Variants in KCNMA1 observed in about 807,000 individuals in gnomAD.
KCNMA1 encodes the protein Calcium-activated potassium channel subunit alpha-1.
In KCNMA1, 29 loss-of-function variants were observed where a neutral mutation model predicts 140.0. The observed-to-expected ratio is 0.21, with a 90% CI of 0.15 to 0.28. The LOEUF is 0.28. Ranked by LOEUF, KCNMA1 falls within the 10% of genes least tolerant of loss-of-function variation. The pLI is 1.00. For synonymous variants in KCNMA1, 612 were observed against 611.9 expected (o/e 1.00, Z 0.00); for missense variants, 880 against 1,602.2 (o/e 0.55, Z 7.70).
At chr10:77,020,328 C>A (rs1295184940) in intron 16 of KCNMA1, 3 of 152,226 alleles carry the variant, frequency 2.0e-5, no homozygotes, top group East Asian at 3.9e-4. Context: ...CCAGGTGAAC[C>A]TTTGTTCACC....
At chr10:77,321,693 T>A (rs1398158470) in intron 2 of KCNMA1, among the ~76,000 whole-genome samples, 1 of 152,236 alleles carries the variant, frequency 6.6e-6, no homozygotes, top group Admixed American at 6.5e-5. Context: ...TGAGTCTATT[T>A]TTAATTCCTT....
At chr10:77,061,151 A>G (rs891928508) in intron 14 of KCNMA1, among the ~76,000 whole-genome samples, 1 of 152,192 alleles carries the variant, frequency 6.6e-6, no homozygotes, top group East Asian at 1.9e-4. Flanking sequence ...TGGTAACTCA[A>G]TGTTTAACCT....
At chr10:76,999,193 G>A (rs1219720139) in intron 19 of KCNMA1, among the ~76,000 whole-genome samples, 1 of 152,238 alleles carries the variant, frequency 6.6e-6, no homozygotes, top group African/African-American at 2.4e-5. Context: ...AAATTGCACA[G>A]CTGAGAAATC....
chr10:77,545,225 G>A (rs971430812), intron 1 of KCNMA1, among the ~76,000 whole-genome samples: 1 of 152,316 alleles, frequency 6.6e-6, no homozygotes, highest in South Asian at 2.1e-4. Flanking sequence ...TTAACTGGAG[G>A]GGTGCAGTGG....
At chr10:77,239,211 C>T (rs1163519273) in intron 3 of KCNMA1, among the ~76,000 whole-genome samples, 4 of 152,220 alleles carry the variant, frequency 2.6e-5, no homozygotes, top group African/African-American at 9.6e-5. Flanking sequence ...CACTCCTGTG[C>T]CACTTCCTCC....
At chr10:77,290,950 G>A (rs2073016471) in intron 2 of KCNMA1, among the ~76,000 whole-genome samples, 1 of 152,194 alleles carries the variant, frequency 6.6e-6, no homozygotes, top group Non-Finnish European at 1.5e-5. Flanking sequence ...AAGGCTCGGA[G>A]ATTTGATATT....
At chr10:77,374,391 T>C in intron 2 of KCNMA1, among the ~76,000 whole-genome samples, 1 of 152,242 alleles carries the variant, frequency 6.6e-6, no homozygotes, top group Non-Finnish European at 1.5e-5. Context: ...TCCATCAGTT[T>C]GGTAATTCTA....
intron 2 of KCNMA1, among the ~76,000 whole-genome samples, chr10:77,327,711 C>T (rs115706898): frequency 0.014 from 2,168 of 152,072 alleles, 44 homozygotes; most frequent in African/African-American, 0.049. Context: ...GAAACCAGAC[C>T]CCACTGTAAG....
chr10:77,205,888 G>T (rs1386679051), intron 3 of KCNMA1, among the ~76,000 whole-genome samples: 1 of 152,162 alleles, frequency 6.6e-6, no homozygotes, highest in African/African-American at 2.4e-5. Context: ...ACACCTCTGG[G>T]TAGGCAATTC....
At chr10:77,223,834 G>T (rs894708187) in intron 3 of KCNMA1, among the ~76,000 whole-genome samples, 1 of 152,036 alleles carries the variant, frequency 6.6e-6, no homozygotes, top group South Asian at 2.1e-4. Context: ...ACTGGTTCAC[G>T]CAAGGAATCA....
chr10:77,298,197 G>C (rs1286712240), intron 2 of KCNMA1, among the ~76,000 whole-genome samples: 2 of 152,274 alleles, frequency 1.3e-5, no homozygotes, highest in Non-Finnish European at 2.9e-5. Flanking sequence ...ACGGGCTAAT[G>C]AGAAAGGCTA....
At chr10:77,085,395 C>T (rs1393319439) in intron 11 of KCNMA1, among the ~76,000 whole-genome samples, 1 of 152,146 alleles carries the variant, frequency 6.6e-6, no homozygotes, top group African/African-American at 2.4e-5. Context: ...TAGAGGGGAC[C>T]ATGAGTTTGA....
In KCNMA1 at chr10:77,071,225, A is replaced by G. The variant is rs529693669; in HGVS notation, c.1749+1872T>C. On this transcript the variant is annotated intron_variant, in intron 14 of 27. Coordinates refer to ENST00000286628, the MANE Select transcript of KCNMA1 (RefSeq NM_001161352.2). Reference sequence around the variant, plus strand: ...TCCCTGCTGCTAATAGCACTGAAGAATCAGCATCACATCCATTTTATTAAT... The same window carrying G: ...TCCCTGCTGCTAATAGCACTGAAGAGTCAGCATCACATCCATTTTATTAAT... 12 of 152,362 alleles carry G rather than the reference A, an allele frequency of 7.9e-5. 1 individual carries two copies. Among genetic ancestry groups the G allele is most frequent in the African/African-American group, 2.9e-4 (12 of 41,592 alleles). 9.4% of individuals were successfully genotyped at this position (152,362 alleles called of 1,614,324 possible).
In KCNMA1 at chr10:77,101,429, T is replaced by C. The variant is rs117565287; in HGVS notation, c.1223+7052A>G. Among the ~76,000 whole-genome samples the C allele has an allele frequency of 5.3e-5, 8 of 152,372 alleles. No individual in the cohort carries two copies. The East Asian group carries it at 1.5e-3, about 29-fold the overall frequency. On this transcript the variant is annotated intron_variant, in intron 9 of 27. Coordinates refer to ENST00000286628, the MANE Select transcript of KCNMA1 (RefSeq NM_001161352.2). ...CTTGAATTATCTATTTGTCTTCTTATTTACTGTATCTGTCTGTCTACAGTT... is the reference window on the plus strand; with the variant it reads ...CTTGAATTATCTATTTGTCTTCTTACTTACTGTATCTGTCTGTCTACAGTT...
chr10:77,084,170 G>A (rs1349984178), intron 12 of KCNMA1, among the ~76,000 whole-genome samples: 2 of 152,068 alleles, frequency 1.3e-5, no homozygotes, highest in East Asian at 3.9e-4. Context: ...AGGGTCGTTC[G>A]CAGTGTCCCT....
At chr10:77,068,838 T>A (rs2096066495) in intron 14 of KCNMA1, among the ~76,000 whole-genome samples, 1 of 121,960 alleles carries the variant, frequency 8.2e-6, no homozygotes, top group Non-Finnish European at 1.6e-5. Flanking sequence ...ATTTTAAGAG[T>A]TAATCACCCT....
At chr10:77,254,314 C>T (rs779133996) in intron 2 of KCNMA1, among the ~76,000 whole-genome samples, 7 of 151,736 alleles carry the variant, frequency 4.6e-5, no homozygotes, top group Non-Finnish European at 8.8e-5. Flanking sequence ...CTCTGCCTCC[C>T]AGGTTCAAGC....
intron 2 of KCNMA1, among the ~76,000 whole-genome samples, chr10:77,359,321 C>T (rs577665976): frequency 7.9e-5 from 12 of 152,144 alleles, no homozygotes; most frequent in South Asian, 2.1e-4. Context: ...GTGTGAGCGC[C>T]GCAATGACAG....
At chr10:77,002,617 G>A (rs1013157007) in intron 18 of KCNMA1, among the ~76,000 whole-genome samples, 8 of 152,192 alleles carry the variant, frequency 5.3e-5, no homozygotes, top group Non-Finnish European at 7.3e-5. Context: ...GGTAGGTTCT[G>A]CACTGCCTGG....
Sources: allele counts gnomAD v4.1 joint callset (sites outside exome capture counted in the v4.1 genomes callset), GRCh38; gene constraint gnomAD v4.1.1; transcripts MANE v1.5; gene names NCBI Gene and HGNC (gene_info 2026-07-23, HGNC 2026-07-21).